The following NRXN1 variants were observed in gnomAD, a reference collection of about 807,000 sequenced individuals.
NRXN1 encodes the protein neurexin-1.
NRXN1 carries 39 observed loss-of-function variants against 150.9 expected under a neutral mutation model. That is an observed-to-expected ratio of 0.26 (90% CI 0.20 to 0.34). The LOEUF (loss-of-function observed/expected upper bound fraction) is 0.34. NRXN1 is among the 10% of genes least tolerant of loss of function. NRXN1 has a pLI of 1.00. For synonymous variants in NRXN1, 924 were observed against 757.0 expected (o/e 1.22, Z -3.62); for missense variants, 1,815 against 1,949.9 (o/e 0.93, Z 1.30).
At chr2:50,125,207 T>C (rs1489840549) in intron 18 of NRXN1, among the ~76,000 whole-genome samples, 3 of 152,126 alleles carry the variant, frequency 2.0e-5, no homozygotes, top group Admixed American at 1.3e-4. Flanking sequence ...ATGTAGAAAA[T>C]GTTGCAGCTA....
chr2:50,957,892 C>T (rs765400621), intron 2 of NRXN1, among the ~76,000 whole-genome samples: 2 of 151,732 alleles, frequency 1.3e-5, no homozygotes, highest in Non-Finnish European at 2.9e-5. Context: ...TTTATAGTAT[C>T]CACTGAGAAC....
chr2:49,921,266 T>C lies in NRXN1; in HGVS notation c.*678A>G, dbSNP rs551931411. On this transcript the variant is annotated 3_prime_UTR_variant, in exon 23 of 23. Transcript: ENST00000401669. Reference sequence around the variant, plus strand: ...GATTGCATCTATGCCCTCTTGTTTTTGTTTTGAAATTTTGTGTGAAAACGT... The same window carrying C: ...GATTGCATCTATGCCCTCTTGTTTTCGTTTTGAAATTTTGTGTGAAAACGT... 3 of 152,794 alleles carry C rather than the reference T, an allele frequency of 2.0e-5. No homozygotes were observed. In the South Asian group the frequency reaches 6.2e-4, roughly 32 times the overall value. 9.5% of individuals were successfully genotyped at this position (152,794 alleles called of 1,614,324 possible).
intron 18 of NRXN1, among the ~76,000 whole-genome samples, chr2:50,116,983 T>G (rs1703159749): frequency 6.6e-6 from 1 of 152,152 alleles, no homozygotes; most frequent in Non-Finnish European, 1.5e-5. Flanking sequence ...AGCTAACTTT[T>G]TTCATGGTTT....
intron 15 of NRXN1, among the ~76,000 whole-genome samples, chr2:50,491,944 C>A (rs115745029): frequency 0.011 from 1,701 of 152,106 alleles, 34 homozygotes; most frequent in African/African-American, 0.038. Context: ...AATTTAAATC[C>A]CTGGGTAATT....
intron 5 of NRXN1, among the ~76,000 whole-genome samples, chr2:50,808,185 A>G (rs1340676699): frequency 6.6e-6 from 1 of 152,144 alleles, no homozygotes; most frequent in Admixed American, 6.5e-5. Flanking sequence ...TATTGTAAAT[A>G]GTTTCCGGGG....
At chr2:51,002,649 C>T (rs1259757383) in intron 2 of NRXN1, among the ~76,000 whole-genome samples, 1 of 151,682 alleles carries the variant, frequency 6.6e-6, no homozygotes, top group Non-Finnish European at 1.5e-5. Context: ...TAAATATAAC[C>T]GAATGAAAAC....
At chr2:50,239,570 A>G (rs1434036070) in intron 17 of NRXN1, among the ~76,000 whole-genome samples, 1 of 147,576 alleles carries the variant, frequency 6.8e-6, no homozygotes, top group African/African-American at 2.5e-5. Context: ...ATCTGAGGAA[A>G]TTTAGTCATA....
chr2:49,978,361 C>G lies in NRXN1; in HGVS notation c.4129-34570G>C, dbSNP rs116556655. Among the ~76,000 whole-genome samples the G allele has an allele frequency of 4.3e-3, 657 of 152,244 alleles. 6 individuals are homozygous for G. Among genetic ancestry groups the G allele is most frequent in the Non-Finnish European group, 6.8e-3 (462 of 68,014 alleles). On this transcript the variant is annotated intron_variant, in intron 21 of 22. Transcript: ENST00000401669. ...ACAGCTTGCATGGGAGACAGAGTGCCACCCTCTCCCCTTAGAAACTATGTC... is the reference window on the plus strand; with the variant it reads ...ACAGCTTGCATGGGAGACAGAGTGCGACCCTCTCCCCTTAGAAACTATGTC...
chr2:50,821,504 A>C (rs991244), intron 5 of NRXN1, among the ~76,000 whole-genome samples: 2,437 of 152,260 alleles, frequency 0.016, 28 homozygotes, highest in Non-Finnish European at 0.025. Flanking sequence ...ATCCTTCATA[A>C]GACTGTAGTG....
chr2:50,623,638 T>A, intron 5 of NRXN1, 23 bp from the exon 6 acceptor site: 2 of 1,560,346 alleles, frequency 1.3e-6, no homozygotes, highest in Non-Finnish European at 8.8e-7. Flanking sequence ...AGATGATACA[T>A]ACATAAGTAA....
In NRXN1 at chr2:50,200,625, A is replaced by C. The variant is rs180722500; in HGVS notation, c.3546+36164T>G. 4.9e-3 allele frequency among the ~76,000 whole-genome samples: 743 copies of C among 152,278 alleles called. 9 individuals are homozygous for C. The highest frequency in any genetic ancestry group is 0.017 in the African/African-American group (704 of 41,574). ...AAACTCTCTAGCTAACATTCATGCC[A>C]AAACATCCAATATATCAAAGACTTT... On this transcript the variant is annotated intron_variant, in intron 18 of 22. Coordinates refer to ENST00000401669, the MANE Select transcript of NRXN1 (RefSeq NM_001330078.2).
intron 18 of NRXN1, among the ~76,000 whole-genome samples, chr2:50,093,054 T>C (rs975147066): frequency 6.6e-6 from 1 of 152,082 alleles, no homozygotes; most frequent in Non-Finnish European, 1.5e-5. Flanking sequence ...TTACTGAAAA[T>C]GAGCAAAAAG....
At chr2:49,938,833 C>T (rs762964167) in intron 22 of NRXN1, among the ~76,000 whole-genome samples, 2 of 152,096 alleles carry the variant, frequency 1.3e-5, no homozygotes, top group African/African-American at 2.4e-5. Context: ...TGAATATCAA[C>T]ATAAAACTCA....
chr2:50,127,480 T>G (rs574742455), intron 18 of NRXN1, among the ~76,000 whole-genome samples: 1 of 152,278 alleles, frequency 6.6e-6, no homozygotes, highest in Non-Finnish European at 1.5e-5. Flanking sequence ...TTTGCTTAGC[T>G]GTTAGAGTTC....
intron 12 of NRXN1, among the ~76,000 whole-genome samples, chr2:50,527,897 C>T (rs1234544733): frequency 1.3e-5 from 2 of 152,046 alleles, no homozygotes; most frequent in Admixed American, 1.3e-4. Flanking sequence ...TCAGCAAAAC[C>T]TGGAAAGAAA....
intron 5 of NRXN1, among the ~76,000 whole-genome samples, chr2:50,783,417 C>T (rs1034782843): frequency 1.3e-5 from 2 of 152,098 alleles, no homozygotes; most frequent in Non-Finnish European, 2.9e-5. Flanking sequence ...TTTTCTTAAG[C>T]TCTCGGTCTG....
At chr2:49,963,894 A>G (rs1573084287) in intron 21 of NRXN1, among the ~76,000 whole-genome samples, 1 of 152,240 alleles carries the variant, frequency 6.6e-6, no homozygotes, top group South Asian at 2.1e-4. Context: ...TATGTAACAG[A>G]TGCTGAATCG....
chr2:50,147,068 T>C (rs556527336), intron 18 of NRXN1, among the ~76,000 whole-genome samples: 16 of 151,838 alleles, frequency 1.1e-4, no homozygotes, highest in African/African-American at 3.9e-4. Flanking sequence ...TGCTCTCTGA[T>C]TGGTGGGTCC....
At chr2:50,156,675 G>T (rs73932957) in intron 18 of NRXN1, among the ~76,000 whole-genome samples, 1 of 151,772 alleles carries the variant, frequency 6.6e-6, no homozygotes, top group African/African-American at 2.4e-5. Flanking sequence ...AGTTTCACAC[G>T]CCATGTTTTA....
Sources: gnomAD v4.1 joint callset for allele counts (sites outside exome capture counted in the v4.1 genomes callset) on GRCh38, gnomAD v4.1.1 for gene constraint, MANE v1.5 for transcripts, NCBI Gene and HGNC (gene_info 2026-07-23, HGNC 2026-07-21) for gene names.